The following CCDC91 variants were observed in gnomAD, a reference collection of about 807,000 sequenced individuals.
The protein encoded by CCDC91 is coiled-coil domain containing 91.
A neutral mutation model predicts 63.2 loss-of-function variants in CCDC91; 48 were observed. The observed-to-expected ratio is 0.76, with a 90% CI of 0.60 to 0.97. The LOEUF (loss-of-function observed/expected upper bound fraction) is 0.97, where lower values mean the gene tolerates loss of function less well. Among genes scored for constraint, CCDC91 ranks in the 50% least tolerant of loss-of-function variants. The pLI is 0.00. For synonymous variants in CCDC91, 167 were observed against 165.8 expected, an observed-to-expected ratio of 1.01 and a Z score of -0.06; for missense variants, 500 against 494.6, an observed-to-expected ratio of 1.01 and a Z score of -0.10.
chr12:28,342,948 A>G (rs1337314124), intron 6 of CCDC91, among the ~76,000 whole-genome samples: 1 of 152,154 alleles, frequency 6.6e-6, no homozygotes, highest in Non-Finnish European at 1.5e-5. Flanking sequence ...ACTGCATATC[A>G]TGCCTTTTTA....
chr12:28,284,291 C>A (rs1948779512), intron 3 of CCDC91, among the ~76,000 whole-genome samples: 1 of 152,144 alleles, frequency 6.6e-6, no homozygotes, highest in Non-Finnish European at 1.5e-5. Flanking sequence ...GCTTTCTGGA[C>A]TGTCTAGCAC....
chr12:28,446,062 G>A lies in CCDC91; in HGVS notation c.763-4099G>A, dbSNP rs576138142. On this transcript the variant is annotated intron_variant, in intron 8 of 12. Coordinates refer to ENST00000536442, the MANE Select transcript of CCDC91 (RefSeq NM_018318.5). ...CTCATAAAGGGCAAGAGCAAGGCAT[G>A]GGACTAAAAACAAGGAGATTAAACC... Among the ~76,000 whole-genome samples the A allele has an allele frequency of 9.2e-5, 14 of 152,274 alleles. No individual in the cohort carries two copies. In the East Asian group the frequency reaches 2.7e-3, roughly 29 times the overall value.
chr12:28,473,762 T>G (rs1012267627), intron 11 of CCDC91, among the ~76,000 whole-genome samples: 5 of 152,130 alleles, frequency 3.3e-5, no homozygotes, highest in Non-Finnish European at 7.4e-5. Flanking sequence ...TTACTATTGA[T>G]TTTGCAACCG....
rs992888754 is a variant in CCDC91 at position 28,549,555 on chromosome 12, G to A, written c.*382G>A. 6.5e-6 allele frequency: 1 copy of A among 153,322 alleles called. No individual in the cohort carries two copies. Among genetic ancestry groups the A allele is most frequent in the Non-Finnish European group, 1.5e-5 (1 of 68,880 alleles). The allele number at this position is 153,322 out of a possible 1,614,324, so 9.5% of individuals were successfully genotyped here. On this transcript the variant is annotated 3_prime_UTR_variant, in exon 13 of 13. Transcript: ENST00000536442. ...CATGATGACTCTTGATGAGATGCTAGAATGTAACCATACATTTATCTTATT... is the reference window on the plus strand; with the variant it reads ...CATGATGACTCTTGATGAGATGCTAAAATGTAACCATACATTTATCTTATT...
At chr12:28,326,544 T>A (rs1305133465) in intron 6 of CCDC91, among the ~76,000 whole-genome samples, 1 of 99,964 alleles carries the variant, frequency 1.0e-5, no homozygotes, top group Non-Finnish European at 1.8e-5. Context: ...ATGCTATCCC[T>A]CCCCCCTCCC....
At chr12:28,465,767 C>A (rs1950519281) in intron 11 of CCDC91, among the ~76,000 whole-genome samples, 1 of 152,084 alleles carries the variant, frequency 6.6e-6, no homozygotes, top group Non-Finnish European at 1.5e-5. Flanking sequence ...TAGACACAGA[C>A]AAACATCTGC....
At chr12:28,488,980 A>C (rs1951862869) in intron 12 of CCDC91, among the ~76,000 whole-genome samples, 1 of 151,930 alleles carries the variant, frequency 6.6e-6, no homozygotes, top group African/African-American at 2.4e-5. Flanking sequence ...ATACATTCAC[A>C]TCCATTCATT....
Position 28,240,897 on chromosome 12 carries a change from C to T in CCDC91, c.-14-16305C>T, listed in dbSNP as rs1945283484. Among the ~76,000 whole-genome samples the T allele has an allele frequency of 2.0e-5, 3 of 152,108 alleles. No homozygotes were observed. In the South Asian group the frequency reaches 6.2e-4, roughly 32 times the overall value. ...GGATAAATACCTAGGAGTACAATTG[C>T]TTGCCCTTATAGGAGGTATATATTT... On this transcript the variant is annotated intron_variant, in intron 1 of 12. Coordinates refer to ENST00000536442, the MANE Select transcript of CCDC91 (RefSeq NM_018318.5).
At chr12:28,492,740 C>A (rs1952078087) in intron 12 of CCDC91, among the ~76,000 whole-genome samples, 1 of 151,626 alleles carries the variant, frequency 6.6e-6, no homozygotes, top group Admixed American at 6.6e-5. Flanking sequence ...GCCCACATGT[C>A]ACCACTATAT....
chr12:28,227,160 T>G (rs10843139), intron 1 of CCDC91, among the ~76,000 whole-genome samples: 28,736 of 152,114 alleles, frequency 0.19, 3,569 homozygotes, highest in Non-Finnish European at 0.28. Context: ...ATCATTTGGC[T>G]AAGGTGGTTT....
intron 1 of CCDC91, among the ~76,000 whole-genome samples, chr12:28,195,537 A>G (rs999855505): frequency 6.6e-6 from 1 of 152,074 alleles, no homozygotes; most frequent in African/African-American, 2.4e-5. Context: ...ATTTTGTTCC[A>G]TTGTTCTGTG....
chr12:28,370,022 C>T (rs1485277021), intron 7 of CCDC91, among the ~76,000 whole-genome samples: 2 of 152,228 alleles, frequency 1.3e-5, no homozygotes, highest in African/African-American at 4.8e-5. Context: ...TTAAAATGCC[C>T]TGAAGACATC....
At chr12:28,477,213 A>C (rs552935975) in intron 11 of CCDC91, among the ~76,000 whole-genome samples, 1 of 152,184 alleles carries the variant, frequency 6.6e-6, no homozygotes, top group Non-Finnish European at 1.5e-5. Flanking sequence ...TGGATGCAAA[A>C]GTCCTCAATA....
At chr12:28,225,573 C>G (rs1382085614) in intron 1 of CCDC91, among the ~76,000 whole-genome samples, 1 of 152,120 alleles carries the variant, frequency 6.6e-6, no homozygotes, top group Non-Finnish European at 1.5e-5. Context: ...GCCTCAGCCT[C>G]CGGAGTAGAG....
At chr12:28,343,214 A>G (rs887020734) in intron 6 of CCDC91, among the ~76,000 whole-genome samples, 2 of 151,228 alleles carry the variant, frequency 1.3e-5, no homozygotes, top group South Asian at 2.1e-4. Flanking sequence ...ATATATATAT[A>G]TATATTCAAA....
chr12:28,327,428 A>G (rs538531150), intron 6 of CCDC91, among the ~76,000 whole-genome samples: 2 of 152,224 alleles, frequency 1.3e-5, no homozygotes, highest in Admixed American at 1.3e-4. Context: ...CTGGCCAAGT[A>G]GAAAATCCAT....
At chr12:28,394,266 A>G (rs564801232) in intron 8 of CCDC91, among the ~76,000 whole-genome samples, 2 of 152,136 alleles carry the variant, frequency 1.3e-5, no homozygotes, top group Admixed American at 6.5e-5. Context: ...GAAGATTGAG[A>G]CCATCCTGGC....
In CCDC91 at chr12:28,267,896, ATATAATTATATTATATATAATTAT is replaced by A. The variant is rs1565701017; in HGVS notation, c.109+8466_109+8489del. On this transcript the variant is annotated intron_variant, in intron 3 of 12. Coordinates refer to ENST00000536442, the MANE Select transcript of CCDC91 (RefSeq NM_018318.5). ...AATTATATATAATTATTATAATTAT[ATATAATTATATTATATATAATTAT>A]TATAATTATATATAATTATATATAA... Among the ~76,000 whole-genome samples the A allele has an allele frequency of 3.6e-5, 3 of 83,216 alleles. 1 individual carries two copies. The highest frequency in any genetic ancestry group is 5.6e-4 in the East Asian group (2 of 3,586). The allele number at this position is 83,216 out of a possible 152,430, so 54.6% of individuals were successfully genotyped here.
intron 8 of CCDC91, among the ~76,000 whole-genome samples, chr12:28,414,922 G>A (rs116019734): frequency 0.011 from 1,710 of 152,122 alleles, 35 homozygotes; most frequent in African/African-American, 0.04. Flanking sequence ...GAAAAAACCC[G>A]TTCCTCTTGT....
Sources: allele counts gnomAD v4.1 joint callset (sites outside exome capture counted in the v4.1 genomes callset), GRCh38; gene constraint gnomAD v4.1.1; transcripts MANE v1.5; gene names NCBI Gene and HGNC (gene_info 2026-07-23, HGNC 2026-07-21).